The following COA1 variants were observed in gnomAD, a reference collection of about 807,000 sequenced individuals.
COA1 encodes cytochrome c oxidase assembly factor 1, also known as cytochrome c oxidase assembly factor 1 homolog.
Under a neutral mutation model 16.0 loss-of-function variants are expected in COA1, and 13 were observed. That is an observed-to-expected ratio of 0.81 (90% CI 0.53 to 1.29). The LOEUF (loss-of-function observed/expected upper bound fraction) is 1.29. Ranked by LOEUF, COA1 falls within the 50% of genes most tolerant of loss-of-function variation. The pLI is 0.00. For synonymous variants in COA1, 65 were observed against 65.7 expected, an observed-to-expected ratio of 0.99 and a Z score of 0.05; for missense variants, 179 against 177.0, an observed-to-expected ratio of 1.01 and a Z score of -0.06.
At chr7:43,646,928 C>T (rs533206939) in intron 3 of COA1, 4 of 191,626 alleles carry the variant, frequency 2.1e-5, no homozygotes, top group Admixed American at 1.1e-4. Context: ...AAACTGCTGC[C>T]GCTTTGCCAC....
At chr7:43,621,094 G>A (rs889803856) in intron 6 of COA1, among the ~76,000 whole-genome samples, 3 of 152,198 alleles carry the variant, frequency 2.0e-5, no homozygotes, top group Non-Finnish European at 2.9e-5. Context: ...CAGGAGGGCC[G>A]ATAGGGTTGA....
chr7:43,718,799 C>G (rs1011744325), intron 1 of COA1, among the ~76,000 whole-genome samples: 19 of 152,128 alleles, frequency 1.2e-4, no homozygotes, highest in African/African-American at 3.9e-4. Flanking sequence ...TCTGCCAACT[C>G]AGGATTCATA....
At chr7:43,710,375 A>AAAATATATATAT (rs761592421) in intron 1 of COA1, among the ~76,000 whole-genome samples, 6 of 36,450 alleles carry the variant, frequency 1.6e-4, no homozygotes, top group African/African-American at 5.2e-4. Context: ...AAAAAAAAAA[A>AAAATATATATAT]ATATATATAT....
At chr7:43,680,577 A>T (rs373044447) in intron 1 of COA1, among the ~76,000 whole-genome samples, 12 of 152,202 alleles carry the variant, frequency 7.9e-5, no homozygotes, top group African/African-American at 2.7e-4. Flanking sequence ...TATCTCCAAA[A>T]ATTATAAATG....
At chr7:43,648,257 C>A in intron 2 of COA1, 1 of 406,822 alleles carries the variant, frequency 2.5e-6, no homozygotes, top group South Asian at 3.8e-5. Context: ...TGGGAAAAGT[C>A]ATTTAGTTCT....
chr7:43,709,782 A>G (rs1256550485), intron 1 of COA1, among the ~76,000 whole-genome samples: 1 of 152,050 alleles, frequency 6.6e-6, no homozygotes, highest in Non-Finnish European at 1.5e-5. Flanking sequence ...CTGTCATATA[A>G]ATTTATCTTT....
chr7:43,691,421 A>AGGAAGGAAGGAAGGAAG (rs1554542662), intron 1 of COA1, among the ~76,000 whole-genome samples: 2 of 87,512 alleles, frequency 2.3e-5, no homozygotes, highest in Non-Finnish European at 2.2e-5. Context: ...GGAAGAAAGA[A>AGGAAGGAAGGAAGGAAG]AAAGAAAGAA....
At chr7:43,694,630 T>C (rs1650386282) in intron 1 of COA1, among the ~76,000 whole-genome samples, 2 of 152,186 alleles carry the variant, frequency 1.3e-5, no homozygotes, top group Non-Finnish European at 1.5e-5. Context: ...GAGCAATTCT[T>C]TTCCATCTCT....
At chr7:43,612,426 T>G (rs2082960832) in intron 6 of COA1, among the ~76,000 whole-genome samples, 1 of 152,256 alleles carries the variant, frequency 6.6e-6, no homozygotes, top group Admixed American at 6.5e-5. Context: ...CGACAGTGTG[T>G]GCTCATAATG....
intron 1 of COA1, among the ~76,000 whole-genome samples, chr7:43,671,316 T>C (rs1361488372): frequency 6.7e-6 from 1 of 149,366 alleles, no homozygotes; most frequent in East Asian, 1.9e-4. Context: ...TGTGACACCA[T>C]GAAGAAAGTG....
exon 7 of COA1, chr7:43,609,459 G>A (rs1191721078): frequency 1.3e-5 from 2 of 152,258 alleles, no homozygotes; most frequent in Non-Finnish European, 2.9e-5. Context: ...CGTGGACTGA[G>A]TGAAGAAGGG....
intron 6 of COA1, among the ~76,000 whole-genome samples, chr7:43,613,283 C>T (rs1267337020): frequency 6.6e-6 from 1 of 152,120 alleles, no homozygotes; most frequent in Non-Finnish European, 1.5e-5. Context: ...TGGCCCCCCA[C>T]CAAGTATTTC....
At chr7:43,677,170 T>C (rs376190983) in intron 1 of COA1, among the ~76,000 whole-genome samples, 89 of 152,008 alleles carry the variant, frequency 5.9e-4, no homozygotes, top group African/African-American at 2.1e-3. Context: ...AGAAAGTTCA[T>C]GGAAATACTA....
chr7:43,621,986 A>C (rs2083942206), intron 6 of COA1, among the ~76,000 whole-genome samples: 1 of 152,234 alleles, frequency 6.6e-6, no homozygotes, highest in Admixed American at 6.5e-5. Context: ...AAATCTCTTT[A>C]TACCTCAGAT....
In COA1 at chr7:43,651,175, T is replaced by C. The variant is rs2090700612; in HGVS notation, c.-38-2523A>G. Among the ~76,000 whole-genome samples, 3 of 152,148 alleles carry C rather than the reference T, an allele frequency of 2.0e-5. No individual in the cohort carries two copies. The South Asian group carries it at 6.2e-4, about 31-fold the overall frequency. On this transcript the variant is annotated intron_variant, in intron 1 of 5. Transcript: ENST00000223336. ...CTAGTCTTCTAGTAAGAAGTGAAAA[T>C]TTAAAAATGTGATGTGCCATTCTCT...
chr7:43,639,513 C>G lies in COA1; in HGVS notation c.*69G>C, dbSNP rs1173283083. 2.4e-6 allele frequency: 3 copies of G among 1,275,636 alleles called. No individual in the cohort carries two copies. Among genetic ancestry groups the G allele is most frequent in the Non-Finnish European group, 3.4e-6 (3 of 875,970 alleles). 79.0% of individuals were successfully genotyped at this position (1,275,636 alleles called of 1,614,324 possible). On this transcript the variant is annotated 3_prime_UTR_variant, in exon 6 of 6. Transcript: ENST00000223336. ...TGTCTGTCACTGAGATGGGCCACCA[C>G]CCCAGTGGCCATATGGTAGAGATGA...
At chr7:43,617,274 G>A (rs570771319) in intron 6 of COA1, among the ~76,000 whole-genome samples, 3 of 152,176 alleles carry the variant, frequency 2.0e-5, no homozygotes, top group African/African-American at 2.4e-5. Context: ...TTTAGGAAAG[G>A]GGACAACAGA....
At chr7:43,691,570 A>G (rs35357596) in intron 1 of COA1, among the ~76,000 whole-genome samples, 65,840 of 151,966 alleles carry the variant, frequency 0.43, 14,738 homozygotes, top group African/African-American at 0.55. Flanking sequence ...GCTCTAACAT[A>G]TAGTCTGCTG....
At chr7:43,618,038 G>A (rs1204995793) in intron 6 of COA1, among the ~76,000 whole-genome samples, 3 of 152,218 alleles carry the variant, frequency 2.0e-5, no homozygotes, top group African/African-American at 7.2e-5. Flanking sequence ...ATTTGTAGTG[G>A]AATGAGAGGA....
Sources: allele counts gnomAD v4.1 joint callset (sites outside exome capture counted in the v4.1 genomes callset), GRCh38; gene constraint gnomAD v4.1.1; transcripts MANE v1.5; gene names NCBI Gene and HGNC (gene_info 2026-07-23, HGNC 2026-07-21).